The following GRID2 variants were observed in gnomAD, a reference collection of about 807,000 sequenced individuals.
GRID2 encodes glutamate receptor ionotropic, delta-2.
A neutral mutation model predicts 114.8 loss-of-function variants in GRID2; 33 were observed. The observed-to-expected ratio is 0.29, with a 90% CI of 0.22 to 0.38. GRID2 has a LOEUF of 0.38. GRID2 is among the 10% of genes least tolerant of loss of function. The pLI is 1.00. For missense variants in GRID2, 1,184 were observed against 1,257.7 expected (o/e 0.94, Z 0.89); for synonymous variants, 505 against 449.9 (o/e 1.12, Z -1.55).
At chr4:93,364,258 G>C (rs1345048034) in intron 8 of GRID2, among the ~76,000 whole-genome samples, 1 of 151,958 alleles carries the variant, frequency 6.6e-6, no homozygotes, top group African/African-American at 2.4e-5. Flanking sequence ...GACACATGTG[G>C]AAAAATTTTT....
chr4:93,542,933 T>C (rs2149529903), intron 13 of GRID2, among the ~76,000 whole-genome samples: 1 of 152,218 alleles, frequency 6.6e-6, no homozygotes, highest in Non-Finnish European at 1.5e-5. Context: ...TGGTCATATA[T>C]GAGCTTACAG....
At chr4:93,513,409 T>C (rs1729387924) in intron 12 of GRID2, among the ~76,000 whole-genome samples, 1 of 152,196 alleles carries the variant, frequency 6.6e-6, no homozygotes, top group African/African-American at 2.4e-5. Context: ...AAAATTTTTG[T>C]TGTTATAATA....
chr4:93,757,295 C>T (rs529330831), intron 14 of GRID2, among the ~76,000 whole-genome samples: 1 of 152,334 alleles, frequency 6.6e-6, no homozygotes, highest in East Asian at 1.9e-4. Flanking sequence ...GCTTCTCCAG[C>T]GTGGTTCTGG....
At chr4:92,762,448 T>TAA (rs11326827) in intron 2 of GRID2, among the ~76,000 whole-genome samples, 1 of 148,154 alleles carries the variant, frequency 6.7e-6, no homozygotes. Flanking sequence ...TTGCTAAAAT[T>TAA]AAAAAAAAAA....
At chr4:92,628,609 C>T (rs1362560934) in intron 2 of GRID2, among the ~76,000 whole-genome samples, 4 of 152,088 alleles carry the variant, frequency 2.6e-5, no homozygotes, top group African/African-American at 9.7e-5. Flanking sequence ...CTGCCCGCCT[C>T]GGCCTCCCAA....
intron 13 of GRID2, among the ~76,000 whole-genome samples, chr4:93,559,889 C>T (rs888115571): frequency 2.0e-5 from 3 of 152,046 alleles, no homozygotes; most frequent in Admixed American, 1.3e-4. Context: ...CCATGGAATA[C>T]AATGCAGCCA....
chr4:93,314,303 CAAAAAAAAAAA>C (rs56977080), intron 8 of GRID2, among the ~76,000 whole-genome samples: 6 of 54,146 alleles, frequency 1.1e-4, no homozygotes, highest in African/African-American at 2.7e-4. Context: ...GAGTCTGTCT[CAAAAAAAAAAA>C]AAAAAAAAAA....
At chr4:92,868,926 A>C (rs910593458) in intron 2 of GRID2, among the ~76,000 whole-genome samples, 7 of 152,188 alleles carry the variant, frequency 4.6e-5, no homozygotes, top group Non-Finnish European at 1.0e-4. Context: ...TGGAAATGTA[A>C]ATAAGGGATT....
chr4:93,740,149 CTAGAG>C (rs1213447502), intron 14 of GRID2, among the ~76,000 whole-genome samples: 2 of 152,082 alleles, frequency 1.3e-5, no homozygotes, highest in African/African-American at 4.8e-5. Flanking sequence ...AAATAATTGC[CTAGAG>C]TATTCAGGAT....
intron 2 of GRID2, among the ~76,000 whole-genome samples, chr4:93,009,320 G>T (rs2149228590): frequency 6.6e-6 from 1 of 152,176 alleles, no homozygotes; most frequent in South Asian, 2.1e-4. Flanking sequence ...ACATAAGCTG[G>T]AGACAAAGGG....
At chr4:92,680,670 G>A (rs192045509) in intron 2 of GRID2, among the ~76,000 whole-genome samples, 17 of 152,110 alleles carry the variant, frequency 1.1e-4, no homozygotes, top group African/African-American at 4.1e-4. Flanking sequence ...AATAATCACA[G>A]GGTCAGAGCT....
intron 8 of GRID2, among the ~76,000 whole-genome samples, chr4:93,288,129 T>A (rs181603380): frequency 3.6e-3 from 548 of 152,284 alleles, no homozygotes; most frequent in Non-Finnish European, 5.7e-3. Flanking sequence ...TCAAATTATA[T>A]TTTATTGGGA....
chr4:92,888,246 A>G (rs1285425033), intron 2 of GRID2, among the ~76,000 whole-genome samples: 1 of 152,204 alleles, frequency 6.6e-6, no homozygotes, highest in Non-Finnish European at 1.5e-5. Context: ...AACACATAAT[A>G]AATGTACTTA....
chr4:93,109,662 T>A (rs1230576722), intron 3 of GRID2, among the ~76,000 whole-genome samples: 3 of 152,130 alleles, frequency 2.0e-5, no homozygotes, highest in Non-Finnish European at 4.4e-5. Context: ...ATTTACTTGT[T>A]TCTCTAGTAT....
intron 2 of GRID2, among the ~76,000 whole-genome samples, chr4:92,608,613 T>C (rs1456659731): frequency 6.6e-6 from 1 of 151,856 alleles, no homozygotes; most frequent in African/African-American, 2.4e-5. Context: ...ACTCAGAGTG[T>C]CATGGTGCTG....
chr4:92,483,038 T>A (rs918506215), intron 1 of GRID2, among the ~76,000 whole-genome samples: 3 of 152,022 alleles, frequency 2.0e-5, no homozygotes, highest in African/African-American at 7.2e-5. Flanking sequence ...ACTGACATAG[T>A]TGGTCAAAAG....
At chr4:93,630,550 G>A (rs1743152116) in intron 14 of GRID2, among the ~76,000 whole-genome samples, 1 of 152,180 alleles carries the variant, frequency 6.6e-6, no homozygotes, top group African/African-American at 2.4e-5. Context: ...CATCCATAAA[G>A]AGGTCACATT....
At chr4:92,693,914 A>G (rs1232342074) in intron 2 of GRID2, among the ~76,000 whole-genome samples, 1 of 152,166 alleles carries the variant, frequency 6.6e-6, no homozygotes, top group Admixed American at 6.6e-5. Context: ...GTGTGAAAAT[A>G]TTTTTTTAAC....
At chr4:92,610,917 T>C (rs138326451) in intron 2 of GRID2, among the ~76,000 whole-genome samples, 37 of 151,852 alleles carry the variant, frequency 2.4e-4, no homozygotes, top group African/African-American at 8.7e-4. Context: ...TAGTGTTCTA[T>C]TATAGGGATA....
Sources: gnomAD v4.1 joint callset for allele counts (sites outside exome capture counted in the v4.1 genomes callset) on GRCh38, gnomAD v4.1.1 for gene constraint, MANE v1.5 for transcripts, NCBI Gene and HGNC (gene_info 2026-07-23, HGNC 2026-07-21) for gene names.